UGT1A4: variants seen among roughly 807,000 people sequenced by gnomAD.
The protein encoded by UGT1A4 is UDP glucuronosyltransferase family 1 member A4.
A neutral mutation model predicts 41.1 loss-of-function variants in UGT1A4; 32 were observed. The observed-to-expected ratio is 0.78, with a 90% CI of 0.59 to 1.05. UGT1A4 has a LOEUF of 1.05. Ranked by LOEUF, UGT1A4 falls within the 50% of genes least tolerant of loss-of-function variation. UGT1A4 has a pLI of 0.00. For missense variants in UGT1A4, 748 were observed against 677.4 expected, an observed-to-expected ratio of 1.10 and a Z score of -1.16; for synonymous variants, 283 against 265.1, an observed-to-expected ratio of 1.07 and a Z score of -0.66.
At chr2:233,761,033 G>T (rs774774935) in intron 1 of UGT1A4, 1 of 1,614,186 alleles carries the variant, frequency 6.2e-7, no homozygotes, top group South Asian at 1.1e-5. Context: ...GACCTATTGA[G>T]CTCTGCATCT....
chr2:233,743,956 G>T (rs184316279), intron 1 of UGT1A4: 2 of 1,338,248 alleles, frequency 1.5e-6, no homozygotes, highest in Non-Finnish European at 9.9e-7. Flanking sequence ...CTGGCACAGC[G>T]AGCGGCAAGG....
chr2:233,772,386 G>A lies in UGT1A4; in HGVS notation c.1432G>A (p.Ala478Thr), dbSNP rs765612353. 2.0e-5 allele frequency: 33 copies of A among 1,614,110 alleles called. No homozygotes were observed. Among genetic ancestry groups the A allele is most frequent in the Middle Eastern group, 1.6e-4 (1 of 6,084 alleles). ...CAAGGGCGCGCCACACCTGCGCCCC[G>A]CAGCCCACGACCTCACCTGGTACCA... The part of the protein sequence containing the change: ...RHKGAPHLRP[A>T]AHDLTWYQYH... Residue 478 changes from alanine to threonine, a missense_variant, in exon 5 of 5, where the codon GCA becomes ACA. Coordinates refer to ENST00000373409, the MANE Select transcript of UGT1A4 (RefSeq NM_007120.3).
chr2:233,721,017 C>G (rs1165667415), intron 1 of UGT1A4, among the ~76,000 whole-genome samples: 1 of 151,958 alleles, frequency 6.6e-6, no homozygotes, highest in Non-Finnish European at 1.5e-5. Flanking sequence ...AGTGAGGGAG[C>G]CATCTTTCTT....
chr2:233,768,255 G>C lies in UGT1A4; in HGVS notation c.1123G>C (p.Gly375Arg). ...PMTRAFITHA[G>R]SHGVYESICN... is the part of the protein sequence containing the mutation. ...GACCCGTGCCTTTATCACCCATGCT[G>C]GTTCCCATGGTGTTTATGAAAGCAT... Residue 375 changes from glycine to arginine, a missense_variant, in exon 4 of 5, where the codon GGT (glycine) becomes CGT (arginine). By Grantham distance (125) the Gly-to-Arg change is moderately radical. Transcript: ENST00000373409. 1 of 1,614,166 alleles carries C rather than the reference G, an allele frequency of 6.2e-7. No individual in the cohort carries two copies. The highest frequency in any genetic ancestry group is 8.5e-7 in the Non-Finnish European group (1 of 1,180,040).
intron 1 of UGT1A4, chr2:233,760,411 A>G (rs1575771994): frequency 6.2e-7 from 1 of 1,614,192 alleles, no homozygotes; most frequent in Non-Finnish European, 8.5e-7. Context: ...CCACTGGCTG[A>G]GCATGCTTGG....
At chr2:233,733,743 C>T (rs1444086929) in intron 1 of UGT1A4, among the ~76,000 whole-genome samples, 1 of 152,214 alleles carries the variant, frequency 6.6e-6, no homozygotes, top group Non-Finnish European at 1.5e-5. Context: ...CGATGTTCAT[C>T]AGGGATATTT....
At position 233,769,409 on chromosome 2, in the gene UGT1A4, G is replaced by T; in HGVS notation, c.1307+970G>T. The T allele has an allele frequency of 7.6e-7, 1 of 1,316,726 alleles. No individual in the cohort carries two copies. Among genetic ancestry groups the T allele is most frequent in the South Asian group, 1.3e-5 (1 of 78,812 alleles). 81.6% of individuals were successfully genotyped at this position (1,316,726 alleles called of 1,614,324 possible). A position where few individuals can be genotyped will look rare whatever the true frequency, so the allele number is the denominator to read the frequency against. On this transcript the variant is annotated intron_variant, in intron 4 of 4. Transcript: ENST00000373409. The surrounding 1 kb of genome is among the most constrained non-coding windows in gnomAD (Gnocchi z 4.4). The stretch of plus-strand genomic sequence containing the variant: ...AGATACTGTGTGCATATGTGCGTGT[G>T]CGTTTGTGCATGTGGCTGTGCTCAT...
intron 1 of UGT1A4, among the ~76,000 whole-genome samples, chr2:233,745,628 G>GA (rs922569313): frequency 1.5e-4 from 22 of 151,674 alleles, no homozygotes; most frequent in Non-Finnish European, 1.8e-4. Context: ...AACAGTCATA[G>GA]AAAGCTGGCC....
At chr2:233,755,578 G>A (rs931050095) in intron 1 of UGT1A4, 38 of 160,002 alleles carry the variant, frequency 2.4e-4, no homozygotes, top group Non-Finnish European at 4.7e-4. Flanking sequence ...GGAAAAGAGA[G>A]GGCCTTGACT....
At chr2:233,749,031 C>A (rs1694088347) in intron 1 of UGT1A4, among the ~76,000 whole-genome samples, 1 of 151,676 alleles carries the variant, frequency 6.6e-6, no homozygotes, top group African/African-American at 2.4e-5. Context: ...ATTTGGGGTT[C>A]ATTGATGTGG....
intron 1 of UGT1A4, among the ~76,000 whole-genome samples, chr2:233,763,945 G>A (rs1405755046): frequency 6.6e-6 from 1 of 152,190 alleles, no homozygotes; most frequent in Non-Finnish European, 1.5e-5. Context: ...GGAAAGCTTG[G>A]GAGCAGGGAA....
chr2:233,735,436 C>A (rs1234543811), intron 1 of UGT1A4, among the ~76,000 whole-genome samples: 1 of 152,154 alleles, frequency 6.6e-6, no homozygotes, highest in Admixed American at 6.5e-5. Context: ...CTGAATACAG[C>A]ATACCGATGG....
intron 1 of UGT1A4, among the ~76,000 whole-genome samples, chr2:233,749,836 C>T (rs550199256): frequency 1.5e-4 from 23 of 152,008 alleles, no homozygotes; most frequent in South Asian, 8.3e-4. Context: ...TCATGTAAGA[C>T]GTGTCTTTGC....
rs1041496963 is a variant in UGT1A4, at chr2:233,755,204, C to T, written c.868-11830C>T. On this transcript the variant is annotated intron_variant, in intron 1 of 4. Coordinates refer to ENST00000373409, the MANE Select transcript of UGT1A4 (RefSeq NM_007120.3). ...GCCACTTGAGCGCCAGCTTGCGGTA[C>T]GCCTTCTTGATACCCTCGGACGAGG... The T allele has an allele frequency of 2.6e-4, 287 of 1,089,324 alleles. 1 individual carries two copies. Among genetic ancestry groups the T allele is most frequent in the Non-Finnish European group, 3.4e-4 (263 of 769,354 alleles). 67.5% of individuals were successfully genotyped at this position (1,089,324 alleles called of 1,614,324 possible).
intron 1 of UGT1A4, among the ~76,000 whole-genome samples, chr2:233,758,958 A>G (rs936812045): frequency 2.0e-5 from 3 of 152,152 alleles, no homozygotes; most frequent in Non-Finnish European, 4.4e-5. Flanking sequence ...AATTTCCCCA[A>G]ATGCCTTTCC....
chr2:233,720,624 T>C lies in UGT1A4; in HGVS notation c.867+937T>C, dbSNP rs562222860. Among the ~76,000 whole-genome samples, 6 of 152,258 alleles carry C rather than the reference T, an allele frequency of 3.9e-5. No individual in the cohort carries two copies. The South Asian group carries it at 1.2e-3, about 32-fold the overall frequency. On this transcript the variant is annotated intron_variant, in intron 1 of 4. Coordinates refer to ENST00000373409, the MANE Select transcript of UGT1A4 (RefSeq NM_007120.3). ...ATTAATACAGAATATTTGGGTTTCATTGAAATAGTACTCTGGGATGTGAAA... is the reference window on the plus strand; with the variant it reads ...ATTAATACAGAATATTTGGGTTTCACTGAAATAGTACTCTGGGATGTGAAA...
chr2:233,761,077 T>A, intron 1 of UGT1A4: 1 of 1,614,202 alleles, frequency 6.2e-7, no homozygotes, highest in Non-Finnish European at 8.5e-7. Flanking sequence ...TGTGAAGGAT[T>A]ACCCTAGGCC....
At chr2:233,771,541 A>C (rs1305136461) in intron 4 of UGT1A4, 1 of 152,298 alleles carries the variant, frequency 6.6e-6, no homozygotes, top group African/African-American at 2.4e-5. Flanking sequence ...TTTGGCACTT[A>C]CAAATGGCTG....
intron 1 of UGT1A4, among the ~76,000 whole-genome samples, chr2:233,759,532 G>GTTC (rs994787528): frequency 5.4e-4 from 82 of 152,192 alleles, no homozygotes; most frequent in African/African-American, 1.9e-3. Flanking sequence ...GAAGACTTCT[G>GTTC]TTCACATGCG....
Sources: gnomAD v4.1 joint callset for allele counts (sites outside exome capture counted in the v4.1 genomes callset) on GRCh38, gnomAD v4.1.1 for gene constraint, Gnocchi (gnomAD v3.1) non-coding constraint, MANE v1.5 for transcripts, NCBI Gene and HGNC (gene_info 2026-07-23, HGNC 2026-07-21) for gene names.